The following UNC5D variants were observed in gnomAD, a reference collection of about 807,000 sequenced individuals.
UNC5D encodes the protein unc-5 netrin receptor D.
Under a neutral mutation model 105.4 loss-of-function variants are expected in UNC5D, and 39 were observed. That is an observed-to-expected ratio of 0.37 (90% CI 0.29 to 0.48). The LOEUF (loss-of-function observed/expected upper bound fraction) is 0.48. Among genes scored for constraint, UNC5D ranks in the 20% least tolerant of loss-of-function variants. The probability of loss-of-function intolerance (pLI) is 0.98; values close to 1 mark genes in which losing one functional copy is unlikely to be tolerated. For missense variants in UNC5D, 991 were observed against 1,202.4 expected, an observed-to-expected ratio of 0.82 and a Z score of 2.60; for synonymous variants, 452 against 450.4, an observed-to-expected ratio of 1.00 and a Z score of -0.04.
chr8:35,455,134 C>T (rs1808401347), intron 1 of UNC5D, among the ~76,000 whole-genome samples: 1 of 152,128 alleles, frequency 6.6e-6, no homozygotes, highest in Admixed American at 6.5e-5. Context: ...CATCCATCAA[C>T]CTGTCTGTCA....
chr8:35,672,558 G>A (rs539747321), intron 4 of UNC5D, among the ~76,000 whole-genome samples: 20 of 152,258 alleles, frequency 1.3e-4, no homozygotes, highest in African/African-American at 4.6e-4. Context: ...AGCAAAAGTA[G>A]AAGTAACAAA....
intron 4 of UNC5D, among the ~76,000 whole-genome samples, chr8:35,659,172 T>C (rs1249991305): frequency 2.6e-5 from 4 of 152,188 alleles, no homozygotes; most frequent in African/African-American, 7.2e-5. Context: ...GAAGCTGATT[T>C]ATGAATTGAG....
chr8:35,526,839 C>T (rs1258089807), intron 1 of UNC5D, among the ~76,000 whole-genome samples: 1 of 151,872 alleles, frequency 6.6e-6, no homozygotes, highest in African/African-American at 2.4e-5. Context: ...AAGTGTCATC[C>T]TTTGATATAT....
At chr8:35,460,166 T>G (rs549284188) in intron 1 of UNC5D, among the ~76,000 whole-genome samples, 1 of 152,130 alleles carries the variant, frequency 6.6e-6, no homozygotes, top group Non-Finnish European at 1.5e-5. Flanking sequence ...CCCAGAAAAA[T>G]TAAAGGCCTC....
At chr8:35,604,498 T>C (rs887989625) in intron 4 of UNC5D, among the ~76,000 whole-genome samples, 2 of 152,164 alleles carry the variant, frequency 1.3e-5, no homozygotes, top group African/African-American at 2.4e-5. Flanking sequence ...ATTTCAACTT[T>C]GGTGAATCTG....
chr8:35,439,058 C>T (rs929531327), intron 1 of UNC5D, among the ~76,000 whole-genome samples: 1 of 151,632 alleles, frequency 6.6e-6, no homozygotes, highest in African/African-American at 2.4e-5. Context: ...CTGAGTGTGA[C>T]CTTGGGCAAA....
At chr8:35,294,908 T>A (rs1163738047) in intron 1 of UNC5D, among the ~76,000 whole-genome samples, 1 of 152,102 alleles carries the variant, frequency 6.6e-6, no homozygotes, top group East Asian at 1.9e-4. Context: ...ATTCGAAGTT[T>A]ATGGCATTGT....
chr8:35,500,427 C>T (rs1315405261), intron 1 of UNC5D, among the ~76,000 whole-genome samples: 1 of 152,174 alleles, frequency 6.6e-6, no homozygotes, highest in African/African-American at 2.4e-5. Context: ...TTGGGGGCTA[C>T]ATTTAACCTG....
chr8:35,382,802 G>A (rs775756305), intron 1 of UNC5D, among the ~76,000 whole-genome samples: 8 of 152,106 alleles, frequency 5.3e-5, no homozygotes, highest in Non-Finnish European at 1.2e-4. Flanking sequence ...GCCCCTGGAC[G>A]GTGACCATGG....
intron 4 of UNC5D, among the ~76,000 whole-genome samples, chr8:35,657,076 GTGTGTA>G (rs1444343262): frequency 1.9e-4 from 18 of 94,444 alleles, no homozygotes; most frequent in African/African-American, 5.2e-4. Flanking sequence ...GTGTGTGTGT[GTGTGTA>G]TATATATATA....
chr8:35,374,237 GT>G lies in UNC5D; in HGVS notation c.103+138351del, dbSNP rs1402462846. Among the ~76,000 whole-genome samples the G allele has an allele frequency of 2.0e-5, 3 of 152,164 alleles. No individual in the cohort carries two copies. The East Asian group carries it at 5.8e-4, about 29-fold the overall frequency. ...TCACTTAAACGATGACAGAAAGTGT[GT>G]GTTTTAAATAGAGTTTGTCTGGTGT... On this transcript the variant is annotated intron_variant, in intron 1 of 16. Transcript: ENST00000404895.
At chr8:35,704,005 C>T (rs12548530) in intron 7 of UNC5D, among the ~76,000 whole-genome samples, 4,185 of 152,174 alleles carry the variant, frequency 0.028, 167 homozygotes, top group Admixed American at 0.099. Flanking sequence ...AAACTAGTAC[C>T]GTCACATCTG....
intron 1 of UNC5D, among the ~76,000 whole-genome samples, chr8:35,489,332 C>T (rs1348599020): frequency 1.3e-5 from 2 of 152,046 alleles, no homozygotes; most frequent in Non-Finnish European, 2.9e-5. Flanking sequence ...AACACCCTAA[C>T]ACCCGGCCAC....
chr8:35,747,949 T>C (rs1329544966), intron 11 of UNC5D, among the ~76,000 whole-genome samples: 1 of 152,258 alleles, frequency 6.6e-6, no homozygotes, highest in East Asian at 1.9e-4. Flanking sequence ...TGTAGCTGTC[T>C]ACTGTGCTAT....
At chr8:35,451,463 T>C (rs1400970104) in intron 1 of UNC5D, among the ~76,000 whole-genome samples, 1 of 152,168 alleles carries the variant, frequency 6.6e-6, no homozygotes, top group East Asian at 1.9e-4. Flanking sequence ...GTCTTTACAA[T>C]GGTCCAAAGT....
chr8:35,261,478 G>T (rs1804487355), intron 1 of UNC5D, among the ~76,000 whole-genome samples: 1 of 152,162 alleles, frequency 6.6e-6, no homozygotes, highest in Non-Finnish European at 1.5e-5. Context: ...TGAACAATGT[G>T]CATGTGGCAT....
At chr8:35,450,759 A>G (rs1354355482) in intron 1 of UNC5D, among the ~76,000 whole-genome samples, 1 of 152,150 alleles carries the variant, frequency 6.6e-6, no homozygotes. Flanking sequence ...TTCCATAGAA[A>G]CCATAATTTG....
intron 3 of UNC5D, among the ~76,000 whole-genome samples, chr8:35,578,991 A>G (rs1342367600): frequency 1.3e-5 from 2 of 152,204 alleles, no homozygotes; most frequent in African/African-American, 4.8e-5. Flanking sequence ...TCAGTCTGCC[A>G]TTCTTATGGT....
Position 35,785,425 on chromosome 8 carries a change from T to A in UNC5D, c.2658-4934T>A, listed in dbSNP as rs542840539. 7.9e-5 allele frequency among the ~76,000 whole-genome samples: 12 copies of A among 152,264 alleles called. No individual in the cohort carries two copies. The South Asian group carries it at 2.5e-3, about 32-fold the overall frequency. ...CCCAGGTTGGAGTGCAGTGGCGTGA[T>A]CTTGACTCACTGCAATCCCTGCCTC... On this transcript the variant is annotated intron_variant, in intron 16 of 16. Transcript: ENST00000404895.
Sources: allele counts gnomAD v4.1 joint callset (sites outside exome capture counted in the v4.1 genomes callset), GRCh38; gene constraint gnomAD v4.1.1; transcripts MANE v1.5; gene names NCBI Gene and HGNC (gene_info 2026-07-23, HGNC 2026-07-21).